TBL1XR1: variants seen among roughly 807,000 people sequenced by gnomAD.
TBL1XR1 encodes the protein F-box-like/WD repeat-containing protein TBL1XR1.
TBL1XR1 carries 5 observed loss-of-function variants against 66.9 expected under a neutral mutation model. The observed-to-expected ratio is 0.07, with a 90% confidence interval of 0.04 to 0.16. TBL1XR1 has a LOEUF of 0.16. TBL1XR1 is among the 10% of genes least tolerant of loss of function. TBL1XR1 has a pLI of 1.00. For missense variants in TBL1XR1, 238 were observed against 623.2 expected (o/e 0.38, Z 6.58); for synonymous variants, 210 against 206.0 (o/e 1.02, Z -0.17).
Position 177,030,131 on chromosome 3 carries a change from TAGAG to T in TBL1XR1, c.1416+2836_1416+2839del, listed in dbSNP as rs72403499. Among the ~76,000 whole-genome samples the T allele has an allele frequency of 1.2e-3, 183 of 149,466 alleles. 1 individual carries two copies. The highest frequency in any genetic ancestry group is 6.6e-3 in the South Asian group (31 of 4,732). On this transcript the variant is annotated intron_variant, in intron 14 of 15. Transcript: ENST00000457928. Reference sequence around the variant, plus strand: ...ATGTGTGTGTGTGTGTATATATATATAGAGAGAGAGAGAGAGAGACAGACACACA... The same window carrying T: ...ATGTGTGTGTGTGTGTATATATATATAGAGAGAGAGAGAGACAGACACACA...
At chr3:177,194,982 G>A (rs1736646171) in intron 1 of TBL1XR1, among the ~76,000 whole-genome samples, 1 of 152,078 alleles carries the variant, frequency 6.6e-6, no homozygotes, top group African/African-American at 2.4e-5. Context: ...CTGACGGTGA[G>A]CTTTGCAACA....
chr3:177,051,559 T>G lies in TBL1XR1; in HGVS notation c.372A>C (p.Ala124=). The G allele has an allele frequency of 6.2e-7, 1 of 1,613,790 alleles. No individual in the cohort carries two copies. The highest frequency in any genetic ancestry group is 8.5e-7 in the Non-Finnish European group (1 of 1,179,768). Reference sequence around the variant, plus strand: ...CATTTGCTGTGTTTTCTCCATTTTTTGCAGATCCTTGTTGGCTGGCTGCAG... The same window carrying G: ...CATTTGCTGTGTTTTCTCCATTTTTGGCAGATCCTTGTTGGCTGGCTGCAG... ...AAAAASQQGS[A]KNGENTANGE... is the part of the protein sequence containing the mutation. The change falls in exon 5 of 16, where the codon GCA becomes GCC. Residue 124 remains alanine, a synonymous_variant. Coordinates refer to ENST00000457928, the MANE Select transcript of TBL1XR1 (RefSeq NM_024665.7).
intron 1 of TBL1XR1, among the ~76,000 whole-genome samples, chr3:177,120,274 G>A (rs1164098286): frequency 6.6e-6 from 1 of 151,794 alleles, no homozygotes; most frequent in Non-Finnish European, 1.5e-5. Flanking sequence ...AGATGCAGAT[G>A]ACCTCCTTCC....
intron 3 of TBL1XR1, among the ~76,000 whole-genome samples, chr3:177,056,384 G>C (rs1170663414): frequency 6.6e-6 from 1 of 152,174 alleles, no homozygotes; most frequent in Non-Finnish European, 1.5e-5. Context: ...GAATGTTGCA[G>C]ATATCCTGAA....
In TBL1XR1 at chr3:177,075,893, G is replaced by A. The variant is rs534038784; in HGVS notation, c.-45-10871C>T. Among the ~76,000 whole-genome samples the A allele has an allele frequency of 2.6e-5, 4 of 152,240 alleles. No individual in the cohort carries two copies. In the South Asian group the frequency reaches 8.3e-4, roughly 32 times the overall value. On this transcript the variant is annotated intron_variant, in intron 2 of 15. Coordinates refer to ENST00000457928, the MANE Select transcript of TBL1XR1 (RefSeq NM_024665.7). Reference sequence around the variant, plus strand: ...ACAGGGCCGCATTCCCTCTGAAGGTGTGCTAAGGAGGGGTCTGTTCCAGGC... The same window carrying A: ...ACAGGGCCGCATTCCCTCTGAAGGTATGCTAAGGAGGGGTCTGTTCCAGGC...
At chr3:177,052,812 T>C (rs1365193196) in intron 4 of TBL1XR1, among the ~76,000 whole-genome samples, 1 of 152,110 alleles carries the variant, frequency 6.6e-6, no homozygotes, top group Non-Finnish European at 1.5e-5. Context: ...TAGATAAAAA[T>C]TTTAAACTAG....
intron 10 of TBL1XR1, among the ~76,000 whole-genome samples, chr3:177,042,502 G>C (rs1038402920): frequency 1.3e-5 from 2 of 152,130 alleles, no homozygotes; most frequent in Non-Finnish European, 2.9e-5. Flanking sequence ...TTGCAACGTA[G>C]GTTGTGTGAT....
chr3:177,075,354 T>C (rs1013453311), intron 2 of TBL1XR1, among the ~76,000 whole-genome samples: 6 of 152,236 alleles, frequency 3.9e-5, no homozygotes, highest in African/African-American at 1.4e-4. Context: ...CCAGTCATAC[T>C]GGAATAGGGC....
intron 1 of TBL1XR1, among the ~76,000 whole-genome samples, chr3:177,185,574 C>G (rs1560277111): frequency 6.6e-6 from 1 of 151,124 alleles, no homozygotes; most frequent in African/African-American, 2.4e-5. Context: ...CGCCATTGCA[C>G]TCCAGTCTGG....
chr3:177,082,228 G>T (rs1169225838), intron 2 of TBL1XR1, among the ~76,000 whole-genome samples: 1 of 151,986 alleles, frequency 6.6e-6, no homozygotes, highest in Non-Finnish European at 1.5e-5. Context: ...AAAAATTATT[G>T]CAGTATATTT....
chr3:177,078,047 T>G (rs1720905229), intron 2 of TBL1XR1, among the ~76,000 whole-genome samples: 1 of 152,234 alleles, frequency 6.6e-6, no homozygotes, highest in Admixed American at 6.5e-5. Flanking sequence ...AAAAGCCATT[T>G]ATAACCCACT....
At chr3:177,054,000 T>C in intron 3 of TBL1XR1, 82 bp from the exon 4 acceptor site, 1 of 1,421,000 alleles carries the variant, frequency 7.0e-7, no homozygotes, top group Non-Finnish European at 9.6e-7. Flanking sequence ...ATCACCATCA[T>C]CTTTTCAAAT....
intron 2 of TBL1XR1, among the ~76,000 whole-genome samples, chr3:177,065,574 C>G (rs1469746979): frequency 1.3e-5 from 2 of 152,166 alleles, no homozygotes; most frequent in African/African-American, 4.8e-5. Flanking sequence ...GGCTGGAATA[C>G]AGTTCCCAAA....
intron 2 of TBL1XR1, among the ~76,000 whole-genome samples, chr3:177,067,343 A>G (rs1280300716): frequency 6.6e-6 from 1 of 152,224 alleles, no homozygotes; most frequent in Non-Finnish European, 1.5e-5. Flanking sequence ...CTGACAAAGA[A>G]ACAGTAAATT....
chr3:177,096,353 CTT>C (rs1322283893), intron 2 of TBL1XR1, among the ~76,000 whole-genome samples: 10 of 151,766 alleles, frequency 6.6e-5, no homozygotes, highest in Non-Finnish European at 1.3e-4. Context: ...CACACACACA[CTT>C]AAATTTCTGT....
chr3:177,135,338 CATATATATATATATATATATATATATAT>C (rs1177634107), intron 1 of TBL1XR1, among the ~76,000 whole-genome samples: 1 of 22,476 alleles, frequency 4.4e-5, no homozygotes, highest in Non-Finnish European at 8.0e-5. Flanking sequence ...TGTGTGTATA[CATATATATATATATATATATATATATAT>C]ATATATATAT....
intron 1 of TBL1XR1, among the ~76,000 whole-genome samples, chr3:177,154,398 A>T (rs1386067807): frequency 8.6e-6 from 1 of 115,646 alleles, no homozygotes; most frequent in East Asian, 2.1e-4. Flanking sequence ...AGAAATTGAC[A>T]AACTTTTTTT....
At chr3:177,096,505 A>C (rs1472126347) in intron 2 of TBL1XR1, among the ~76,000 whole-genome samples, 1 of 152,178 alleles carries the variant, frequency 6.6e-6, no homozygotes, top group African/African-American at 2.4e-5. Context: ...TCACTTAAGG[A>C]TAGGCATTTG....
intron 14 of TBL1XR1, among the ~76,000 whole-genome samples, chr3:177,031,100 G>A (rs190495771): frequency 1.4e-3 from 214 of 152,250 alleles, no homozygotes; most frequent in African/African-American, 5.0e-3. Context: ...GCACAAGAGC[G>A]AGACTTCATC....
Sources: gnomAD v4.1 joint callset for allele counts (sites outside exome capture counted in the v4.1 genomes callset) on GRCh38, gnomAD v4.1.1 for gene constraint, MANE v1.5 for transcripts, NCBI Gene and HGNC (gene_info 2026-07-23, HGNC 2026-07-21) for gene names.